Variants in LNX1 observed in about 807,000 individuals in gnomAD.
LNX1 encodes the protein ligand of numb-protein X 1.
A neutral mutation model predicts 68.4 loss-of-function variants in LNX1; 54 were observed. That is an observed-to-expected ratio of 0.79 (90% confidence interval 0.63 to 0.99). The LOEUF (loss-of-function observed/expected upper bound fraction) is 0.99. LNX1 is among the 50% of genes least tolerant of loss of function. The pLI is 0.00. For missense variants in LNX1, 906 were observed against 926.4 expected (o/e 0.98, Z 0.29); for synonymous variants, 336 against 350.0 (o/e 0.96, Z 0.45).
At chr4:53,580,248 T>G (rs1731752057) in intron 1 of LNX1, among the ~76,000 whole-genome samples, 1 of 152,176 alleles carries the variant, frequency 6.6e-6, no homozygotes, top group African/African-American at 2.4e-5. Flanking sequence ...TAGGAGCTCT[T>G]TAGAATATGC....
chr4:53,472,678 ACAACAAC>A (rs1723288690), intron 9 of LNX1, among the ~76,000 whole-genome samples: 12 of 87,224 alleles, frequency 1.4e-4, no homozygotes, highest in African/African-American at 3.5e-4. Flanking sequence ...AACAACAACA[ACAACAAC>A]AAAAAAAAAA....
At chr4:53,638,716 T>A (rs1577821911) in intron 1 of LNX1, among the ~76,000 whole-genome samples, 1 of 152,152 alleles carries the variant, frequency 6.6e-6, no homozygotes, top group Non-Finnish European at 1.5e-5. Context: ...AGAGGAAGTA[T>A]CTATGTTAGA....
intron 6 of LNX1, among the ~76,000 whole-genome samples, chr4:53,485,039 G>A (rs1314181709): frequency 6.6e-6 from 1 of 152,146 alleles, no homozygotes; most frequent in Non-Finnish European, 1.5e-5. Context: ...GGAAACAATC[G>A]TGAAGAAAGC....
Position 53,496,350 on chromosome 4 carries a change from C to A in LNX1, c.1023G>T (p.Val341=). The A allele has an allele frequency of 1.2e-6, 2 of 1,614,090 alleles. No homozygotes were observed. Among genetic ancestry groups the A allele is most frequent in the Non-Finnish European group, 1.7e-6 (2 of 1,179,998 alleles). The change falls in exon 6 of 11, where the codon GTG becomes GTT. Residue 341 remains valine, a synonymous_variant. Coordinates refer to ENST00000263925, the MANE Select transcript of LNX1 (RefSeq NM_001126328.3). ...DISNVPHNYA[V]RLLRQPCQVL... is the part of the protein sequence containing the mutation. ...CCTGGCAGGGCTGCCGCAGGAGACG[C>A]ACAGCGTAGTTGTGAGGGACATTGC...
chr4:53,614,922 C>A (rs1305735221), intron 2 of LNX1, among the ~76,000 whole-genome samples: 1 of 152,142 alleles, frequency 6.6e-6, no homozygotes. Flanking sequence ...TTTACTAAAA[C>A]ATGTATTCTC....
chr4:53,581,516 T>C (rs754810853), intron 1 of LNX1, among the ~76,000 whole-genome samples: 1 of 152,194 alleles, frequency 6.6e-6, no homozygotes, highest in African/African-American at 2.4e-5. Context: ...AGAGGTTTAA[T>C]GGACTCACAG....
rs1560604614 is a variant in LNX1 at position 53,461,471 on chromosome 4, A to G, written c.2015T>C (p.Val672Ala). 6.2e-7 allele frequency: 1 copy of G among 1,612,176 alleles called. No individual in the cohort carries two copies. ...GNKPFFIKSI[V>A]EGTPAYNDGR... Reference sequence around the variant, plus strand: ...ATCATTGTATGCTGGTGTTCCTTCAACAATGGATTTGATGAAAAAAGGTTT... The same window carrying G: ...ATCATTGTATGCTGGTGTTCCTTCAGCAATGGATTTGATGAAAAAAGGTTT... The change falls in exon 10 of 11, where the codon GTT (valine) becomes GCT (alanine). Residue 672 changes from valine (V) to alanine (A), a missense_variant. Val to Ala is a moderately conservative substitution (Grantham distance 64, BLOSUM62 0). Coordinates refer to ENST00000263925, the MANE Select transcript of LNX1 (RefSeq NM_001126328.3).
chr4:53,631,638 T>A (rs1013893775), intron 1 of LNX1, among the ~76,000 whole-genome samples: 1 of 152,188 alleles, frequency 6.6e-6, no homozygotes, highest in African/African-American at 2.4e-5. Flanking sequence ...GTCCCTGATG[T>A]CAGACCACAA....
chr4:53,601,110 G>GT (rs1732995931), intron 2 of LNX1, among the ~76,000 whole-genome samples: 1 of 137,018 alleles, frequency 7.3e-6, no homozygotes, highest in Non-Finnish European at 1.6e-5. Context: ...AGGGAGGGGG[G>GT]GAGGGAAGGA....
At chr4:53,583,974 C>T (rs12641312) in intron 1 of LNX1, among the ~76,000 whole-genome samples, 25,549 of 143,128 alleles carry the variant, frequency 0.18, 2,218 homozygotes, top group Admixed American at 0.26. Context: ...ACAACAACAA[C>T]GACAAATGAA....
At chr4:53,588,672 T>C (rs1732321253) in intron 1 of LNX1, among the ~76,000 whole-genome samples, 1 of 152,156 alleles carries the variant, frequency 6.6e-6, no homozygotes. Flanking sequence ...AGTACACCAT[T>C]TTAGCGTCCT....
chr4:53,519,471 G>A (rs1727045423), intron 2 of LNX1, among the ~76,000 whole-genome samples: 1 of 147,680 alleles, frequency 6.8e-6, no homozygotes, highest in South Asian at 2.1e-4. Flanking sequence ...ACAAGGCATG[G>A]TACCAGGACT....
At chr4:53,634,738 C>T (rs1023586118) in intron 1 of LNX1, among the ~76,000 whole-genome samples, 4 of 151,978 alleles carry the variant, frequency 2.6e-5, no homozygotes, top group Non-Finnish European at 4.4e-5. Context: ...GGGACTGCTC[C>T]GAGGGGTGGC....
chr4:53,551,254 C>T (rs140862181), intron 2 of LNX1, among the ~76,000 whole-genome samples: 1 of 152,246 alleles, frequency 6.6e-6, no homozygotes, highest in Non-Finnish European at 1.5e-5. Flanking sequence ...GTTAGACAGA[C>T]ATGAGGCAGG....
At chr4:53,595,458 A>T (rs79182667), upstream of LNX1, among the ~76,000 whole-genome samples, 106 of 152,322 alleles carry the variant, frequency 7.0e-4, 3 homozygotes, top group East Asian at 0.017. Context: ...GGCATGGGGT[A>T]ATTTCTTATG....
intron 4 of LNX1, among the ~76,000 whole-genome samples, chr4:53,501,173 T>C (rs565566488): frequency 6.6e-6 from 1 of 152,266 alleles, no homozygotes; most frequent in South Asian, 2.1e-4. Flanking sequence ...CTAAAGGATA[T>C]AATCTTATTA....
At chr4:53,485,374 G>C (rs1724217190) in intron 6 of LNX1, among the ~76,000 whole-genome samples, 1 of 152,150 alleles carries the variant, frequency 6.6e-6, no homozygotes, top group South Asian at 2.1e-4. Context: ...TAAGAACTGA[G>C]AAAATTTTAG....
At chr4:53,511,223 C>G (rs1726308942) in intron 2 of LNX1, among the ~76,000 whole-genome samples, 2 of 152,188 alleles carry the variant, frequency 1.3e-5, no homozygotes, top group Admixed American at 1.3e-4. Flanking sequence ...TTAGCTTGAG[C>G]CAGAGACAGA....
chr4:53,469,017 C>T (rs1225564446), intron 9 of LNX1, among the ~76,000 whole-genome samples: 3 of 152,198 alleles, frequency 2.0e-5, no homozygotes, highest in African/African-American at 7.2e-5. Context: ...AACTCTCCAC[C>T]CTAAATCAAC....
Sources: allele counts gnomAD v4.1 joint callset (sites outside exome capture counted in the v4.1 genomes callset), GRCh38; gene constraint gnomAD v4.1.1; transcripts MANE v1.5; gene names NCBI Gene and HGNC (gene_info 2026-07-23, HGNC 2026-07-21).